Variants in CCDC171 observed in about 807,000 individuals in gnomAD.
CCDC171 encodes the protein coiled-coil domain-containing protein 171.
A neutral mutation model predicts 168.2 loss-of-function variants in CCDC171; 177 were observed. That is an observed-to-expected ratio of 1.05 (90% CI 0.93 to 1.19). The LOEUF (loss-of-function observed/expected upper bound fraction) is 1.19. Ranked by LOEUF, CCDC171 falls within the 50% of genes most tolerant of loss-of-function variation. The probability of loss-of-function intolerance (pLI) is 0.00; values close to 1 mark genes in which losing one functional copy is unlikely to be tolerated. For synonymous variants in CCDC171, 687 were observed against 540.8 expected, an observed-to-expected ratio of 1.27 and a Z score of -3.75; for missense variants, 1,991 against 1,539.0, an observed-to-expected ratio of 1.29 and a Z score of -4.91.
chr9:15,738,338 T>A (rs2134486366), intron 16 of CCDC171, among the ~76,000 whole-genome samples: 1 of 152,328 alleles, frequency 6.6e-6, no homozygotes, highest in East Asian at 1.9e-4. Flanking sequence ...GGATGCACTT[T>A]GAATTTATTA....
Position 15,757,405 on chromosome 9 carries a change from G to T in CCDC171, c.2671+11774G>T, listed in dbSNP as rs927724022. Among the ~76,000 whole-genome samples the T allele has an allele frequency of 2.6e-5, 4 of 152,172 alleles. No homozygotes were observed. The East Asian group carries it at 7.7e-4, about 29-fold the overall frequency. ...AGATTTGTGGAACTTTGAACTTGAG[G>T]GAGATGATTTAAGGTATCTGGTGGA... is the stretch of plus-strand genomic sequence containing the variant. On this transcript the variant is annotated intron_variant, in intron 18 of 25. Coordinates refer to ENST00000380701, the MANE Select transcript of CCDC171 (RefSeq NM_173550.4).
intron 21 of CCDC171, among the ~76,000 whole-genome samples, chr9:15,794,639 T>G (rs929011296): frequency 6.6e-6 from 1 of 152,194 alleles, no homozygotes; most frequent in Non-Finnish European, 1.5e-5. Context: ...GACTGTGAGC[T>G]AAGAGTGGTT....
intron 21 of CCDC171, among the ~76,000 whole-genome samples, chr9:15,823,264 T>C (rs1338164670): frequency 6.6e-6 from 1 of 152,096 alleles, no homozygotes; most frequent in African/African-American, 2.4e-5. Context: ...ACATGGCACA[T>C]GTATACGTAT....
chr9:15,557,327 T>A (rs2038892863), intron 1 of CCDC171, among the ~76,000 whole-genome samples: 2 of 152,168 alleles, frequency 1.3e-5, no homozygotes, highest in African/African-American at 4.8e-5. Flanking sequence ...TAAATTACCT[T>A]GGGGAGTATG....
intron 1 of CCDC171, among the ~76,000 whole-genome samples, chr9:15,563,522 C>G (rs1434084142): frequency 6.6e-6 from 1 of 152,098 alleles, no homozygotes; most frequent in Non-Finnish European, 1.5e-5. Context: ...GATCACAATG[C>G]TATATATAAA....
chr9:15,630,520 A>C lies in CCDC171; in HGVS notation c.822+7107A>C, dbSNP rs536355747. ...ACCCAATACAGGAGCACGAAGATTC[A>C]TAAAGCAAGTCCTGAGTGACCTACA... On this transcript the variant is annotated intron_variant, in intron 7 of 25. Coordinates refer to ENST00000380701, the MANE Select transcript of CCDC171 (RefSeq NM_173550.4). Among the ~76,000 whole-genome samples the C allele has an allele frequency of 1.3e-3, 202 of 152,356 alleles. 1 individual carries two copies. Among genetic ancestry groups the C allele is most frequent in the African/African-American group, 4.8e-3 (198 of 41,590 alleles).
chr9:15,636,434 G>A (rs578210702), intron 7 of CCDC171, among the ~76,000 whole-genome samples: 2 of 152,014 alleles, frequency 1.3e-5, no homozygotes, highest in Admixed American at 1.3e-4. Flanking sequence ...TTAATACTAT[G>A]GTTTGTAGAT....
At chr9:15,821,615 C>G (rs2059774338) in intron 21 of CCDC171, among the ~76,000 whole-genome samples, 1 of 116,394 alleles carries the variant, frequency 8.6e-6, no homozygotes, top group Admixed American at 8.1e-5. Flanking sequence ...ACCTAGGAAT[C>G]CAACTTACAA....
chr9:15,970,171 T>G (rs1393136202), intron 25 of CCDC171, among the ~76,000 whole-genome samples: 1 of 152,092 alleles, frequency 6.6e-6, no homozygotes, highest in Non-Finnish European at 1.5e-5. Context: ...CTGAACTAGG[T>G]GTTAGATGCA....
At chr9:15,622,352 C>G (rs565894226) in intron 6 of CCDC171, among the ~76,000 whole-genome samples, 1 of 152,184 alleles carries the variant, frequency 6.6e-6, no homozygotes, top group East Asian at 1.9e-4. Flanking sequence ...TTCTTCATCT[C>G]TTCACTGTGG....
chr9:15,767,309 C>T (rs2056776450), intron 18 of CCDC171, among the ~76,000 whole-genome samples: 1 of 152,154 alleles, frequency 6.6e-6, no homozygotes, highest in African/African-American at 2.4e-5. Context: ...TTTTAGAAGC[C>T]ATCTGCTTTC....
At chr9:15,679,586 G>T (rs1272396904) in intron 10 of CCDC171, among the ~76,000 whole-genome samples, 1 of 152,120 alleles carries the variant, frequency 6.6e-6, no homozygotes, top group Non-Finnish European at 1.5e-5. Flanking sequence ...GTTTCACTCT[G>T]TTGCCCAGGC....
chr9:15,727,471 C>T (rs2053880503), intron 14 of CCDC171, among the ~76,000 whole-genome samples: 1 of 152,056 alleles, frequency 6.6e-6, no homozygotes, highest in South Asian at 2.1e-4. Context: ...GCAAATGTAA[C>T]TATTAAATTA....
chr9:15,570,898 A>G (rs1316890730), intron 2 of CCDC171, among the ~76,000 whole-genome samples: 6 of 152,010 alleles, frequency 3.9e-5, no homozygotes, highest in African/African-American at 7.3e-5. Context: ...CAGGGAATAA[A>G]CCCCTAGTGT....
At chr9:15,786,893 T>C (rs2057990754) in intron 21 of CCDC171, among the ~76,000 whole-genome samples, 1 of 152,124 alleles carries the variant, frequency 6.6e-6, no homozygotes, top group African/African-American at 2.4e-5. Flanking sequence ...CCTTCAACTG[T>C]AGCTTTCCAC....
the CCDC171 span, among the ~76,000 whole-genome samples, chr9:16,070,534 G>C: frequency 7.9e-5 from 12 of 152,156 alleles, no homozygotes; most frequent in African/African-American, 2.9e-4. Flanking sequence ...TGAAAGGCTG[G>C]AGAAGGGGTT....
chr9:15,990,123 T>C (rs58372943), intron 3 of CCDC171, among the ~76,000 whole-genome samples: 11,522 of 151,776 alleles, frequency 0.076, 1,451 homozygotes, highest in African/African-American at 0.26. Context: ...AGACACATAA[T>C]TGTCAGATTC....
chr9:15,702,357 A>C (rs1398141042), intron 11 of CCDC171, among the ~76,000 whole-genome samples: 2 of 152,116 alleles, frequency 1.3e-5, no homozygotes, highest in Non-Finnish European at 2.9e-5. Flanking sequence ...TGTCAGTTTA[A>C]GTTGAAGCCA....
intron 10 of CCDC171, among the ~76,000 whole-genome samples, chr9:15,685,285 A>C (rs530002801): frequency 2.0e-5 from 3 of 152,146 alleles, no homozygotes; most frequent in Non-Finnish European, 4.4e-5. Flanking sequence ...AATTCCTTGT[A>C]TATTAAAAGG....
Sources: allele counts gnomAD v4.1 joint callset (sites outside exome capture counted in the v4.1 genomes callset), GRCh38; gene constraint gnomAD v4.1.1; transcripts MANE v1.5; gene names NCBI Gene and HGNC (gene_info 2026-07-23, HGNC 2026-07-21).